The following BABAM2 variants were observed in gnomAD, a reference collection of about 807,000 sequenced individuals.
BABAM2 encodes the protein BRISC and BRCA1 A complex member 2.
In BABAM2, 31 loss-of-function variants were observed where a neutral mutation model predicts 54.7. That is an observed-to-expected ratio of 0.57 (90% confidence interval 0.43 to 0.77). The LOEUF (loss-of-function observed/expected upper bound fraction) is 0.77, where lower values mean the gene tolerates loss of function less well. Among genes scored for constraint, BABAM2 ranks in the 30% least tolerant of loss-of-function variants. The probability of loss-of-function intolerance (pLI) is 0.00; values close to 1 mark genes in which losing one functional copy is unlikely to be tolerated. For synonymous variants in BABAM2, 167 were observed against 162.9 expected, an observed-to-expected ratio of 1.03 and a Z score of -0.19; for missense variants, 364 against 455.8, an observed-to-expected ratio of 0.80 and a Z score of 1.83.
rs1390524554 is a variant in BABAM2 at position 27,995,753 on chromosome 2, T to A, written c.300+7666T>A. 2.6e-5 allele frequency among the ~76,000 whole-genome samples: 4 copies of A among 152,010 alleles called. No individual in the cohort carries two copies. The highest frequency in any genetic ancestry group is 6.6e-5 in the Admixed American group (1 of 15,256). On this transcript the variant is annotated intron_variant, in intron 4 of 11. Transcript: ENST00000379624. The surrounding 1 kb of genome is among the most constrained non-coding windows in gnomAD (Gnocchi z 4.1). ...CGCCACCACACCTGGCTAGTTTTTTTATATTTTTAGTAGAGATGGGGTTTC... is the reference window on the plus strand; with the variant it reads ...CGCCACCACACCTGGCTAGTTTTTTAATATTTTTAGTAGAGATGGGGTTTC...
At position 27,987,609 on chromosome 2, in the gene BABAM2, G is replaced by C. The variant is rs143611546; in HGVS notation, c.206-384G>C. Among the ~76,000 whole-genome samples, 26 of 152,186 alleles carry C rather than the reference G, an allele frequency of 1.7e-4. No individual in the cohort carries two copies. In the East Asian group the frequency reaches 4.6e-3, roughly 27 times the overall value. On this transcript the variant is annotated intron_variant, in intron 3 of 11. Transcript: ENST00000379624. ...GTGGGTTGATCGCTTGAGCTCAGGAGTTCGAGACCAGCCTGCACAACATGG... is the reference window on the plus strand; with the variant it reads ...GTGGGTTGATCGCTTGAGCTCAGGACTTCGAGACCAGCCTGCACAACATGG...
intron 10 of BABAM2, among the ~76,000 whole-genome samples, chr2:28,261,004 C>CG (rs1448808962): frequency 3.5e-5 from 5 of 143,146 alleles, no homozygotes; most frequent in East Asian, 2.1e-4. Flanking sequence ...TGCAGTGGCA[C>CG]AATCTTGGCT....
intron 10 of BABAM2, among the ~76,000 whole-genome samples, chr2:28,267,225 G>A (rs1448826929): frequency 1.3e-5 from 2 of 152,170 alleles, no homozygotes; most frequent in Non-Finnish European, 2.9e-5. Flanking sequence ...CTTTCTCCCA[G>A]TGGTATCATC....
At position 28,032,651 on chromosome 2, in the gene BABAM2, A is replaced by G. The variant is rs543355231; in HGVS notation, c.495+7231A>G. On this transcript the variant is annotated intron_variant, in intron 5 of 11. Transcript: ENST00000379624. ...GTTTTATAATGTTTAAGAAATAGTAATAATAATTATAAAACTATAATGTTT... is the reference window on the plus strand; with the variant it reads ...GTTTTATAATGTTTAAGAAATAGTAGTAATAATTATAAAACTATAATGTTT... Among the ~76,000 whole-genome samples the G allele has an allele frequency of 2.9e-4, 44 of 152,278 alleles. No individual in the cohort carries two copies. In the South Asian group the frequency reaches 8.9e-3, roughly 31 times the overall value.
At chr2:28,313,974 A>C (rs1281174982) in intron 11 of BABAM2, among the ~76,000 whole-genome samples, 1 of 152,210 alleles carries the variant, frequency 6.6e-6, no homozygotes, top group African/African-American at 2.4e-5. Flanking sequence ...AAAATGTAGA[A>C]AACCCCAGTT....
chr2:27,914,044 G>A (rs116769126), intron 2 of BABAM2, among the ~76,000 whole-genome samples: 4,550 of 152,210 alleles, frequency 0.03, 104 homozygotes, highest in Admixed American at 0.05. Context: ...ACTAGTGTTA[G>A]CTTTAGTAGT....
intron 6 of BABAM2, among the ~76,000 whole-genome samples, chr2:28,109,618 A>G (rs773786367): frequency 1.6e-4 from 25 of 152,142 alleles, no homozygotes; most frequent in Non-Finnish European, 2.5e-4. Flanking sequence ...ATCCCTGGTT[A>G]TACCATTATA....
intron 5 of BABAM2, among the ~76,000 whole-genome samples, chr2:28,039,829 A>T (rs1174795598): frequency 2.4e-4 from 37 of 152,244 alleles, no homozygotes. Context: ...AAAAGGAAAG[A>T]TGCACATATT....
At chr2:28,320,678 G>A (rs377187591) in intron 11 of BABAM2, among the ~76,000 whole-genome samples, 51 of 152,344 alleles carry the variant, frequency 3.3e-4, no homozygotes, top group African/African-American at 1.1e-3. Flanking sequence ...GAACATGGGT[G>A]CACCCAGAGC....
intron 7 of BABAM2, among the ~76,000 whole-genome samples, chr2:28,159,476 G>A (rs1450300763): frequency 6.6e-6 from 1 of 152,164 alleles, no homozygotes; most frequent in Non-Finnish European, 1.5e-5. Context: ...AGGAGGTAAA[G>A]GAGAGAATGG....
intron 7 of BABAM2, 22 bp downstream of exon 7, chr2:28,129,402 T>C (rs1669840641): frequency 6.3e-7 from 1 of 1,575,884 alleles, no homozygotes; most frequent in Admixed American, 1.7e-5. Flanking sequence ...TAACATGAGG[T>C]AGCCTGGTGC....
chr2:28,159,626 T>G (rs1210856423), intron 7 of BABAM2, among the ~76,000 whole-genome samples: 1 of 152,156 alleles, frequency 6.6e-6, no homozygotes, highest in East Asian at 1.9e-4. Context: ...ACACCTGCAA[T>G]GCCAGCACTT....
At chr2:28,054,131 C>A (rs1678210991) in intron 6 of BABAM2, among the ~76,000 whole-genome samples, 2 of 152,048 alleles carry the variant, frequency 1.3e-5, no homozygotes, top group African/African-American at 4.8e-5. Context: ...TTTGTGGATC[C>A]CTTTTCTAGA....
chr2:28,136,340 C>T (rs944018705), intron 7 of BABAM2, among the ~76,000 whole-genome samples: 3 of 152,254 alleles, frequency 2.0e-5, no homozygotes, highest in African/African-American at 7.2e-5. Flanking sequence ...TGTCATATTG[C>T]CTCCCTGGAC....
At chr2:27,912,706 A>T (rs1485416493) in intron 2 of BABAM2, among the ~76,000 whole-genome samples, 3 of 152,208 alleles carry the variant, frequency 2.0e-5, no homozygotes, top group East Asian at 1.9e-4. Flanking sequence ...GCCAGCAGTC[A>T]TGTTGCAAGA....
In BABAM2 at chr2:28,287,682, G is replaced by A. The variant is rs75070073; in HGVS notation, c.935-10656G>A. ...CCTGGAAGAAGGCGGGGCTTGGACT[G>A]CATCACAGAGTTGGAAGCAATAGCA... On this transcript the variant is annotated intron_variant, in intron 10 of 11. Coordinates refer to ENST00000379624, the MANE Select transcript of BABAM2 (RefSeq NM_199191.3). 1.2e-4 allele frequency among the ~76,000 whole-genome samples: 19 copies of A among 152,312 alleles called. No homozygotes were observed. The East Asian group carries it at 3.7e-3, about 29-fold the overall frequency.
At chr2:28,080,771 C>T (rs1020616647) in intron 6 of BABAM2, among the ~76,000 whole-genome samples, 4 of 152,178 alleles carry the variant, frequency 2.6e-5, no homozygotes, top group African/African-American at 9.7e-5. Context: ...TTTATTATTT[C>T]AGTGAACTCC....
At chr2:27,996,235 G>C (rs1673135057) in intron 4 of BABAM2, 1 of 154,582 alleles carries the variant, frequency 6.5e-6, no homozygotes, top group Non-Finnish European at 1.5e-5. Context: ...AGGGTTTACT[G>C]TCCCCTCTGA....
At chr2:28,013,987 T>C (rs1198965999) in intron 4 of BABAM2, among the ~76,000 whole-genome samples, 1 of 152,172 alleles carries the variant, frequency 6.6e-6, no homozygotes, top group Non-Finnish European at 1.5e-5. Context: ...TGCATATTTG[T>C]TGACTAATTT....
Sources: gnomAD v4.1 joint callset for allele counts (sites outside exome capture counted in the v4.1 genomes callset) on GRCh38, gnomAD v4.1.1 for gene constraint, Gnocchi (gnomAD v3.1) non-coding constraint, MANE v1.5 for transcripts, NCBI Gene and HGNC (gene_info 2026-07-23, HGNC 2026-07-21) for gene names.